CYTH2: variants seen among roughly 807,000 people sequenced by gnomAD.
CYTH2 encodes cytohesin 2.
CYTH2 carries 24 observed loss-of-function variants against 55.4 expected under a neutral mutation model. The observed-to-expected ratio is 0.43, with a 90% CI of 0.31 to 0.61. CYTH2 has a LOEUF of 0.61. Among genes scored for constraint, CYTH2 ranks in the 20% least tolerant of loss-of-function variants. The pLI, the probability that CYTH2 is intolerant of heterozygous loss-of-function variation, is 0.08. For missense variants in CYTH2, 378 were observed against 533.5 expected, an observed-to-expected ratio of 0.71 and a Z score of 2.87; for synonymous variants, 221 against 209.6, an observed-to-expected ratio of 1.05 and a Z score of -0.47.
chr19:48,478,026 C>A (rs200520884), intron 8 of CYTH2, 43 bp from the exon 9 acceptor site: 6 of 1,529,486 alleles, frequency 3.9e-6, no homozygotes, highest in South Asian at 2.3e-5. Context: ...GAGGCCCTGT[C>A]CCCCTGTTGA....
chr19:48,472,666 T>A (rs1255402189), intron 4 of CYTH2: 3 of 592,154 alleles, frequency 5.1e-6, no homozygotes, highest in Non-Finnish European at 9.2e-6. Context: ...CCTTCTGGAA[T>A]TACCTGGCAG....
chr19:48,469,902 C>A (rs968085411), intron 1 of CYTH2: 1 of 566,880 alleles, frequency 1.8e-6, no homozygotes, highest in African/African-American at 1.9e-5. Flanking sequence ...GATGTCCCGC[C>A]CCACCTTCCC....
At chr19:48,469,586 C>G in intron 1 of CYTH2, 60 bp downstream of exon 1, 18 of 1,323,776 alleles carry the variant, frequency 1.4e-5, no homozygotes, top group Non-Finnish European at 1.7e-5. Context: ...CCTGAACGTT[C>G]CGCCGCGAAC....
At position 48,472,355 on chromosome 19, in the gene CYTH2, C is replaced by T. The variant is rs147918107; in HGVS notation, c.265C>T (p.Leu89=). 7 of 1,613,938 alleles carry T rather than the reference C, an allele frequency of 4.3e-6. No homozygotes were observed. Among genetic ancestry groups the T allele is most frequent in the Non-Finnish European group, 5.9e-6 (7 of 1,180,028 alleles). Residue 89 remains leucine, a synonymous_variant, in exon 4 of 12, where the codon CTG becomes TTG. Transcript: ENST00000452733. ...GIQFLVENEL[L]QNTPEEIARF... ...CCAGTTCTTGGTGGAGAATGAACTG[C>T]TGCAGAACACACCCGAGGAGATCGC...
Position 48,474,823 on chromosome 19 carries a change from GC to G in CYTH2, c.697-13del. ...CCAGGGGGCTCGAATGGCTAATGCAGCCTTTACTCCTCAGAACCTGTACGAC... is the reference window on the plus strand; with the variant it reads ...CCAGGGGGCTCGAATGGCTAATGCAGCTTTACTCCTCAGAACCTGTACGAC... On this transcript the variant is annotated splice_polypyrimidine_tract_variant and intron_variant, in intron 7 of 11. Transcript: ENST00000452733. This position sits in a 1 kb window ranked among gnomAD's most constrained non-coding sequence, Gnocchi z 4.9. 1 of 1,613,816 alleles carries G rather than the reference GC, an allele frequency of 6.2e-7. No homozygotes were observed. Among genetic ancestry groups the G allele is most frequent in the Non-Finnish European group, 8.5e-7 (1 of 1,179,820 alleles).
chr19:48,469,405 TC>T lies in CYTH2; in HGVS notation c.-100del. Reference sequence around the variant, plus strand: ...CTGGCGCTGAGGAGGCGGCGGTGGCTCCCGGGGCGTTTGAGCGGGCTCACCC... The same window carrying T: ...CTGGCGCTGAGGAGGCGGCGGTGGCTCCGGGGCGTTTGAGCGGGCTCACCC... On this transcript the variant is annotated 5_prime_UTR_variant, in exon 1 of 12. Transcript: ENST00000452733. The T allele has an allele frequency of 7.9e-7, 1 of 1,262,042 alleles. No homozygotes were observed. The allele number at this position is 1,262,042 out of a possible 1,614,324, so 78.2% of individuals were successfully genotyped here. A position where few individuals can be genotyped will look rare whatever the true frequency, so the allele number is the denominator to read the frequency against.
intron 2 of CYTH2, 42 bp from the exon 3 acceptor site, chr19:48,470,561 G>T: frequency 2.5e-6 from 4 of 1,614,154 alleles, no homozygotes; most frequent in Admixed American, 1.7e-5. Context: ...GGATGCCCAG[G>T]CATTGACCCT....
Position 48,474,431 on chromosome 19 carries a change from C to T in CYTH2, c.696+101C>T, listed in dbSNP as rs1009987137. 8.4e-6 allele frequency: 11 copies of T among 1,307,406 alleles called. No homozygotes were observed. The African/African-American group carries it at 1.2e-4, about 14-fold the overall frequency. 81.0% of individuals were successfully genotyped at this position (1,307,406 alleles called of 1,614,324 possible). A position where few individuals can be genotyped will look rare whatever the true frequency, so the allele number is the denominator to read the frequency against. On this transcript the variant is annotated intron_variant, in intron 7 of 11. Coordinates refer to ENST00000452733, the MANE Select transcript of CYTH2 (RefSeq NM_004228.7). This position sits in a 1 kb window ranked among gnomAD's most constrained non-coding sequence, Gnocchi z 4.9. The stretch of plus-strand genomic sequence containing the variant: ...TAGTGCCCAAGCTGTCTGCCCTCAC[C>T]CCCAAGATGGTGCGATCATGCCAAC...
rs896052146 is a variant in CYTH2 at position 48,479,716 on chromosome 19, A to G, written c.*506A>G. 5.0e-5 allele frequency: 8 copies of G among 158,922 alleles called. No individual in the cohort carries two copies. Among genetic ancestry groups the G allele is most frequent in the Admixed American group, 3.0e-4 (5 of 16,894 alleles). 9.8% of individuals were successfully genotyped at this position (158,922 alleles called of 1,614,324 possible). A position where few individuals can be genotyped will look rare whatever the true frequency, so the allele number is the denominator to read the frequency against. On this transcript the variant is annotated 3_prime_UTR_variant, in exon 12 of 12. Transcript: ENST00000452733. ...TCAGCTAGTTCCCATCGTTGCTTTC[A>G]TGGGGCTTGAGGTCTTTGAGGGGCA...
At chr19:48,473,424 G>A in intron 5 of CYTH2, 46 bp downstream of exon 5, 1 of 1,587,988 alleles carries the variant, frequency 6.3e-7, no homozygotes, top group East Asian at 2.2e-5. Flanking sequence ...GTACCTGTCA[G>A]GGCCTTCCTA....
chr19:48,470,395 A>T lies in CYTH2; in HGVS notation c.62A>T (p.Asn21Ile). Residue 21 changes from asparagine (N) to isoleucine (I), a missense_variant, in exon 2 of 12, where the codon AAC becomes ATC. Asn to Ile is a moderately radical substitution (Grantham distance 149, BLOSUM62 -3). Transcript: ENST00000452733. ...CCGGAGGAGCGGATGGAGCTGGAGAACATCCGGCGGCGGAAGCAGGAGCTG... is the reference window on the plus strand; with the variant it reads ...CCGGAGGAGCGGATGGAGCTGGAGATCATCCGGCGGCGGAAGCAGGAGCTG... ...LTPEERMELE[N>I]IRRRKQELLV... The T allele has an allele frequency of 6.2e-7, 1 of 1,613,924 alleles. No homozygotes were observed. Among genetic ancestry groups the T allele is most frequent in the Non-Finnish European group, 8.5e-7 (1 of 1,179,978 alleles).
rs1972011597 is a variant in CYTH2, at chr19:48,479,620, G to C, written c.*410G>C. On this transcript the variant is annotated 3_prime_UTR_variant, in exon 12 of 12. Transcript: ENST00000452733. ...CCGGGGACAGAGTTTAGAATGCAGG[G>C]ATTCAGGGTCAAGGTCTAGCATTCA... is the stretch of plus-strand genomic sequence containing the variant. 1 of 196,158 alleles carries C rather than the reference G, an allele frequency of 5.1e-6. No individual in the cohort carries two copies. The highest frequency in any genetic ancestry group is 1.1e-5 in the Non-Finnish European group (1 of 93,418). The allele number at this position is 196,158 out of a possible 1,614,324, so 12.2% of individuals were successfully genotyped here.
In CYTH2 at chr19:48,470,591, C is replaced by G. The variant is rs764657368; in HGVS notation, c.168-12C>G. ...GACCCTCCACCCCCAACCCTGCTCT[C>G]TGCTCCTGCAGTAAGACCTTGCAAC... is the stretch of plus-strand genomic sequence containing the variant. On this transcript the variant is annotated splice_polypyrimidine_tract_variant and intron_variant, in intron 2 of 11. Coordinates refer to ENST00000452733, the MANE Select transcript of CYTH2 (RefSeq NM_004228.7). 1 of 1,614,270 alleles carries G rather than the reference C, an allele frequency of 6.2e-7. No homozygotes were observed. Among genetic ancestry groups the G allele is most frequent in the Non-Finnish European group, 8.5e-7 (1 of 1,180,050 alleles).
chr19:48,479,609 T>C lies in CYTH2; in HGVS notation c.*399T>C, dbSNP rs1972011427. 9.7e-6 allele frequency: 2 copies of C among 205,444 alleles called. No individual in the cohort carries two copies. The highest frequency in any genetic ancestry group is 4.6e-5 in the African/African-American group (2 of 43,842). The allele number at this position is 205,444 out of a possible 1,614,324, so 12.7% of individuals were successfully genotyped here. On this transcript the variant is annotated 3_prime_UTR_variant, in exon 12 of 12. Coordinates refer to ENST00000452733, the MANE Select transcript of CYTH2 (RefSeq NM_004228.7). The stretch of plus-strand genomic sequence containing the variant: ...GTTGGAATTGGCCGGGGACAGAGTT[T>C]AGAATGCAGGGATTCAGGGTCAAGG...
At chr19:48,478,391 C>T (rs762379796) in intron 10 of CYTH2, 45 bp downstream of exon 10, 2 of 1,612,996 alleles carry the variant, frequency 1.2e-6, no homozygotes, top group Non-Finnish European at 1.7e-6. Flanking sequence ...GGGGCCTCCT[C>T]TGCCCAGGGC....
intron 3 of CYTH2, among the ~76,000 whole-genome samples, 188 bp from the exon 4 acceptor site, chr19:48,472,137 G>C (rs1971810364): frequency 6.6e-6 from 1 of 152,230 alleles, no homozygotes; most frequent in Admixed American, 6.5e-5. Context: ...AAGGCAGAGA[G>C]GGTAGGCCAT....
At position 48,478,085 on chromosome 19, in the gene CYTH2, G is replaced by C; in HGVS notation, c.825G>C (p.Thr275=). 1 of 1,614,098 alleles carries C rather than the reference G, an allele frequency of 6.2e-7. No individual in the cohort carries two copies. The highest frequency in any genetic ancestry group is 8.5e-7 in the Non-Finnish European group (1 of 1,179,960). Residue 275 remains threonine, a synonymous_variant, in exon 9 of 12, where the codon ACG becomes ACC. Coordinates refer to ENST00000452733, the MANE Select transcript of CYTH2 (RefSeq NM_004228.7). ...WLLKLGGRVK[T]WKRRWFILTD... is the part of the protein sequence containing the mutation. ...CCCTTTCAGGGGGCCGGGTGAAGAC[G>C]TGGAAGCGGCGCTGGTTTATCCTCA...
At chr19:48,472,687 G>C in intron 4 of CYTH2, 1 of 558,740 alleles carries the variant, frequency 1.8e-6, no homozygotes, top group Non-Finnish European at 3.3e-6. Context: ...TTGTGGGGAA[G>C]CATCCATTTA....
chr19:48,478,633 G>A, intron 11 of CYTH2, 41 bp downstream of exon 11: 1 of 1,543,838 alleles, frequency 6.5e-7, no homozygotes, highest in South Asian at 1.2e-5. Flanking sequence ...AGGGGCTGGG[G>A]CCTGGACTCC....
Sources: gnomAD v4.1 joint callset for allele counts (sites outside exome capture counted in the v4.1 genomes callset) on GRCh38, gnomAD v4.1.1 for gene constraint, Gnocchi (gnomAD v3.1) non-coding constraint, MANE v1.5 for transcripts, NCBI Gene and HGNC (gene_info 2026-07-23, HGNC 2026-07-21) for gene names.